Variants in STARD13 observed in about 807,000 individuals in gnomAD.
The protein encoded by STARD13 is StAR related lipid transfer domain containing 13.
STARD13 carries 62 observed loss-of-function variants against 106.4 expected under a neutral mutation model. The observed-to-expected ratio is 0.58, with a 90% CI of 0.48 to 0.72. The LOEUF (loss-of-function observed/expected upper bound fraction) is 0.72, where lower values mean the gene tolerates loss of function less well. Among genes scored for constraint, STARD13 ranks in the 30% least tolerant of loss-of-function variants. The pLI, the probability that STARD13 is intolerant of heterozygous loss-of-function variation, is 0.00. For missense variants in STARD13, 1,387 were observed against 1,424.0 expected (o/e 0.97, Z 0.42); for synonymous variants, 565 against 553.0 (o/e 1.02, Z -0.31).
At chr13:33,314,817 C>A (rs142445198) in intron 1 of STARD13, among the ~76,000 whole-genome samples, 1 of 152,236 alleles carries the variant, frequency 6.6e-6, no homozygotes, top group East Asian at 1.9e-4. Flanking sequence ...TTTATTCCAC[C>A]TATTTAATAA....
At chr13:33,479,115 G>A in the STARD13 span, among the ~76,000 whole-genome samples, 840 of 152,238 alleles carry the variant, frequency 5.5e-3, 5 homozygotes, top group Non-Finnish European at 9.2e-3. Context: ...AATGCAAATG[G>A]CATTTAAACA....
the STARD13 span, among the ~76,000 whole-genome samples, chr13:33,667,408 A>G: frequency 1.3e-5 from 2 of 152,228 alleles, no homozygotes; most frequent in Non-Finnish European, 2.9e-5. Flanking sequence ...ATGTTCAAAA[A>G]TATCTACTTT....
At chr13:33,350,352 C>T (rs1566154435) in exon 1 of STARD13, 4 of 1,534,354 alleles carry the variant, frequency 2.6e-6, no homozygotes, top group Middle Eastern at 3.3e-4. Context: ...CGTGGAGTCC[C>T]GCAACTGCTC....
At chr13:33,560,178 G>C in the STARD13 span, among the ~76,000 whole-genome samples, 5 of 151,584 alleles carry the variant, frequency 3.3e-5, no homozygotes, top group South Asian at 4.1e-4. Flanking sequence ...TGTCCACATA[G>C]CTACCCCACA....
chr13:33,172,857 A>G (rs1201588231), intron 1 of STARD13, among the ~76,000 whole-genome samples: 2 of 152,196 alleles, frequency 1.3e-5, no homozygotes, highest in Non-Finnish European at 2.9e-5. Context: ...GAGCACATGT[A>G]TTTATGTTGT....
the STARD13 span, among the ~76,000 whole-genome samples, chr13:33,440,479 C>A: frequency 6.6e-6 from 1 of 151,772 alleles, no homozygotes; most frequent in African/African-American, 2.4e-5. Flanking sequence ...CAACTTTATC[C>A]TTCTGGCCTT....
At chr13:33,495,443 T>A in the STARD13 span, among the ~76,000 whole-genome samples, 1 of 152,148 alleles carries the variant, frequency 6.6e-6, no homozygotes, top group Non-Finnish European at 1.5e-5. Context: ...AGATAAATGA[T>A]AAACATTTAC....
chr13:33,520,796 A>AT, the STARD13 span, among the ~76,000 whole-genome samples: 4 of 152,202 alleles, frequency 2.6e-5, no homozygotes, highest in Middle Eastern at 6.8e-3. Context: ...GAGGCAGGAG[A>AT]TCCCCCATGC....
At chr13:33,562,207 T>A in the STARD13 span, among the ~76,000 whole-genome samples, 1 of 146,916 alleles carries the variant, frequency 6.8e-6, no homozygotes, top group Non-Finnish European at 1.5e-5. Context: ...ATCTTCACAT[T>A]TATTTTAGCT....
rs549887871 is a variant in STARD13 at position 33,305,611 on chromosome 13, T to C, written c.124+44679A>G. Among the ~76,000 whole-genome samples, 46 of 152,324 alleles carry C rather than the reference T, an allele frequency of 3.0e-4. 1 individual carries two copies. In the South Asian group the frequency reaches 9.1e-3, roughly 30 times the overall value. ...ACCCTCTGTAAGTCTTAAGACATAT[T>C]AAAGCACAGGGTTCTATGGAAACCT... On this transcript the variant is annotated intron_variant, in intron 1 of 5. Coordinates refer to the STARD13 transcript ENST00000567873.
the STARD13 span, chr13:33,654,784 G>C: frequency 1.3e-5 from 2 of 152,188 alleles, no homozygotes; most frequent in Non-Finnish European, 2.9e-5. Context: ...GGAAAGTCTT[G>C]GAAATACTTC....
chr13:33,303,553 G>C (rs184662801), intron 1 of STARD13, among the ~76,000 whole-genome samples: 1 of 152,310 alleles, frequency 6.6e-6, no homozygotes, highest in East Asian at 1.9e-4. Flanking sequence ...AGTTTTGATT[G>C]ACAGATGATG....
the STARD13 span, among the ~76,000 whole-genome samples, chr13:33,602,835 C>T: frequency 6.6e-6 from 1 of 152,160 alleles, no homozygotes; most frequent in Non-Finnish European, 1.5e-5. Flanking sequence ...GAGAATCTAA[C>T]TAATACCTGG....
chr13:33,406,230 T>C, the STARD13 span, among the ~76,000 whole-genome samples: 1 of 152,210 alleles, frequency 6.6e-6, no homozygotes, highest in Non-Finnish European at 1.5e-5. Flanking sequence ...TGTGATTTAA[T>C]ACATAGAAAC....
chr13:33,469,642 A>T, the STARD13 span, among the ~76,000 whole-genome samples: 27 of 152,188 alleles, frequency 1.8e-4, no homozygotes, highest in Non-Finnish European at 3.8e-4. Context: ...TAGGGAAATT[A>T]AAAAAGGTAT....
intron 3 of STARD13, among the ~76,000 whole-genome samples, chr13:33,162,593 C>T (rs1421027916): frequency 1.3e-5 from 2 of 152,198 alleles, no homozygotes; most frequent in Non-Finnish European, 2.9e-5. Flanking sequence ...GAAATTTCTT[C>T]TGCCAGATAC....
At chr13:33,483,087 C>T in the STARD13 span, among the ~76,000 whole-genome samples, 1 of 152,196 alleles carries the variant, frequency 6.6e-6, no homozygotes, top group Non-Finnish European at 1.5e-5. Context: ...GCAAGGAAGT[C>T]ACAAAATTCT....
chr13:33,252,155 T>C (rs1489720164), intron 1 of STARD13, among the ~76,000 whole-genome samples: 3 of 152,240 alleles, frequency 2.0e-5, no homozygotes, highest in African/African-American at 4.8e-5. Flanking sequence ...TGGTTATGTA[T>C]ATGATGTATC....
At chr13:33,177,113 A>G (rs797216) in intron 1 of STARD13, among the ~76,000 whole-genome samples, 53,370 of 152,062 alleles carry the variant, frequency 0.35, 9,580 homozygotes, top group Non-Finnish European at 0.4. Flanking sequence ...ATATGAATAG[A>G]ATTTAATTCC....
Sources: allele counts gnomAD v4.1 joint callset (sites outside exome capture counted in the v4.1 genomes callset), GRCh38; gene constraint gnomAD v4.1.1; transcripts MANE v1.5; gene names NCBI Gene and HGNC (gene_info 2026-07-23, HGNC 2026-07-21).